Variants in SHANK1 observed in about 807,000 individuals in gnomAD.
The protein encoded by SHANK1 is SH3 and multiple ankyrin repeat domains 1, also known as SH3 and multiple ankyrin repeat domains protein 1.
Under a neutral mutation model 165.6 loss-of-function variants are expected in SHANK1, and 35 were observed. That is an observed-to-expected ratio of 0.21 (90% CI 0.16 to 0.28). The LOEUF (loss-of-function observed/expected upper bound fraction) is 0.28, where lower values mean the gene tolerates loss of function less well. Among genes scored for constraint, SHANK1 ranks in the 10% least tolerant of loss-of-function variants. SHANK1 has a pLI of 1.00. For missense variants in SHANK1, 2,681 were observed against 3,036.4 expected (o/e 0.88, Z 2.75); for synonymous variants, 1,428 against 1,384.8 (o/e 1.03, Z -0.69).
rs1168651645 is a variant in SHANK1, at chr19:50,719,541, G to A, written c.-179C>T. On this transcript the variant is annotated 5_prime_UTR_variant, in exon 1 of 24. Coordinates refer to ENST00000293441, the MANE Select transcript of SHANK1 (RefSeq NM_016148.5). ...CCGGAGGGCGAGCGGGCCCGGGGAG[G>A]GGGCGGGCGGGGACCGGGGGGGAGG... is the stretch of plus-strand genomic sequence containing the variant. 6.9e-6 allele frequency: 1 copy of A among 145,980 alleles called. No individual in the cohort carries two copies. The highest frequency in any genetic ancestry group is 1.5e-5 in the Non-Finnish European group (1 of 65,106). The allele number at this position is 145,980 out of a possible 1,614,324, so 9.0% of individuals were successfully genotyped here.
In SHANK1 at chr19:50,697,243, A is replaced by C; in HGVS notation, c.1938-121T>G. ...CCACACCGGTGCATGGGACACACACATTCCCACTGCACATGACTGCACAGA... is the reference window on the plus strand; with the variant it reads ...CCACACCGGTGCATGGGACACACACCTTCCCACTGCACATGACTGCACAGA... On this transcript the variant is annotated intron_variant, in intron 14 of 23. Transcript: ENST00000293441. The surrounding 1 kb of genome is among the most constrained non-coding windows in gnomAD (Gnocchi z 4.7). 1 of 1,393,884 alleles carries C rather than the reference A, an allele frequency of 7.2e-7. No individual in the cohort carries two copies. The highest frequency in any genetic ancestry group is 1.0e-6 in the Non-Finnish European group (1 of 986,486). 86.3% of individuals were successfully genotyped at this position (1,393,884 alleles called of 1,614,324 possible). A position where few individuals can be genotyped will look rare whatever the true frequency, so the allele number is the denominator to read the frequency against.
intron 21 of SHANK1, among the ~76,000 whole-genome samples, chr19:50,682,986 T>A (rs1986222983): frequency 6.6e-6 from 1 of 152,074 alleles, no homozygotes; most frequent in Non-Finnish European, 1.5e-5. Flanking sequence ...CCACCACATC[T>A]GCCCAACTAA....
intron 21 of SHANK1, 81 bp from the exon 22 acceptor site, chr19:50,672,195 A>G (rs1599844098): frequency 2.6e-6 from 3 of 1,135,920 alleles, no homozygotes; most frequent in East Asian, 5.1e-5. Flanking sequence ...TGGCTTCACT[A>G]TACGGCTGCC....
chr19:50,703,848 C>T lies in SHANK1; in HGVS notation c.1223-18G>A, dbSNP rs201048694. On this transcript the variant is annotated intron_variant, in intron 10 of 23. Coordinates refer to ENST00000293441, the MANE Select transcript of SHANK1 (RefSeq NM_016148.5). ...GAAGGGCACTGAGAGGGCACAGTGGCGGCGGGGGGCAGATGTTAGGGGAGA... is the reference window on the plus strand; with the variant it reads ...GAAGGGCACTGAGAGGGCACAGTGGTGGCGGGGGGCAGATGTTAGGGGAGA... The T allele has an allele frequency of 5.7e-5, 69 of 1,217,892 alleles. No homozygotes were observed. The African/African-American group carries it at 7.1e-4, about 12-fold the overall frequency. The allele number at this position is 1,217,892 out of a possible 1,614,324, so 75.4% of individuals were successfully genotyped here.
At chr19:50,715,365 G>A (rs1051545760) in intron 4 of SHANK1, among the ~76,000 whole-genome samples, 8 of 152,064 alleles carry the variant, frequency 5.3e-5, no homozygotes, top group African/African-American at 1.7e-4. Context: ...GGGGAGGCAG[G>A]GGAAGAGAAG....
chr19:50,687,895 G>T (rs890142287), intron 18 of SHANK1, 28 bp downstream of exon 18: 2 of 1,613,208 alleles, frequency 1.2e-6, no homozygotes, highest in South Asian at 2.2e-5. Flanking sequence ...TGGCAGTGGG[G>T]TGGCTGCGAG....
At position 50,717,406 on chromosome 19, in the gene SHANK1, C is replaced by CG. The variant is rs1025040457; in HGVS notation, c.-43-445dup. 3.3e-5 allele frequency among the ~76,000 whole-genome samples: 5 copies of CG among 152,078 alleles called. No individual in the cohort carries two copies. Among genetic ancestry groups the CG allele is most frequent in the Admixed American group, 1.3e-4 (2 of 15,262 alleles). ...CCAGCCTGGCCCCTCATCCCAGGGC[C>CG]GGGGGGTGGGGTTGGGGAGAAGCTG... On this transcript the variant is annotated intron_variant, in intron 1 of 23. Coordinates refer to ENST00000293441, the MANE Select transcript of SHANK1 (RefSeq NM_016148.5). The surrounding 1 kb of genome is among the most constrained non-coding windows in gnomAD (Gnocchi z 5.5).
At chr19:50,665,569 A>C (rs1985452974) in intron 23 of SHANK1, among the ~76,000 whole-genome samples, 1 of 8,936 alleles carries the variant, frequency 1.1e-4, no homozygotes, top group East Asian at 1.7e-3. Context: ...TCTGTCTCAA[A>C]AAAAAAAAAA....
At chr19:50,685,731 A>G (rs895485803) in intron 21 of SHANK1, among the ~76,000 whole-genome samples, 6 of 152,148 alleles carry the variant, frequency 3.9e-5, no homozygotes, top group Non-Finnish European at 7.3e-5. Flanking sequence ...CTCAAAATAA[A>G]TAAATAAATA....
At position 50,690,922 on chromosome 19, in the gene SHANK1, A is replaced by G. The variant is rs1986518882; in HGVS notation, c.1965-1643T>C. 6.6e-6 allele frequency among the ~76,000 whole-genome samples: 1 copy of G among 152,034 alleles called. No individual in the cohort carries two copies. Among genetic ancestry groups the G allele is most frequent in the African/African-American group, 2.4e-5 (1 of 41,372 alleles). ...CCCATGGCTCCCCTTGTAAAAATCC[A>G]TACATTTGCACCATGGCGACAGGGT... On this transcript the variant is annotated intron_variant, in intron 15 of 23. Coordinates refer to ENST00000293441, the MANE Select transcript of SHANK1 (RefSeq NM_016148.5). The surrounding 1 kb of genome is among the most constrained non-coding windows in gnomAD (Gnocchi z 4.9).
chr19:50,697,147 C>T lies in SHANK1; in HGVS notation c.1938-25G>A. On this transcript the variant is annotated intron_variant, in intron 14 of 23. Transcript: ENST00000293441. This position sits in a 1 kb window ranked among gnomAD's most constrained non-coding sequence, Gnocchi z 4.7. Reference sequence around the variant, plus strand: ...GCTTCCGAAGCAAGTCAGCCAGCAGCCAGGGAGGGGAAAGGTGTCAGTGCA... The same window carrying T: ...GCTTCCGAAGCAAGTCAGCCAGCAGTCAGGGAGGGGAAAGGTGTCAGTGCA... 1 of 1,613,764 alleles carries T rather than the reference C, an allele frequency of 6.2e-7. No individual in the cohort carries two copies. The highest frequency in any genetic ancestry group is 8.5e-7 in the Non-Finnish European group (1 of 1,179,938).
At chr19:50,711,806 C>T in intron 7 of SHANK1, 141 bp downstream of exon 7, 1 of 1,010,888 alleles carries the variant, frequency 9.9e-7, no homozygotes. Context: ...TTCACCCCCA[C>T]CATTTCCTCT....
chr19:50,668,999 C>T lies in SHANK1; in HGVS notation c.2961G>A (p.Leu987=). The change falls in exon 23 of 24, where the codon CTG becomes CTA. Residue 987 remains leucine, a synonymous_variant. Transcript: ENST00000293441. ...DTRVGSREKS[L]YHSGPLPPAH... Reference sequence around the variant, plus strand: ...CCGGGGGCAGGGGCCCACTGTGGTACAGGCTCTTCTCGCGGCTCCCCACGC... The same window carrying T: ...CCGGGGGCAGGGGCCCACTGTGGTATAGGCTCTTCTCGCGGCTCCCCACGC... The T allele has an allele frequency of 2.5e-6, 2 of 794,708 alleles. No homozygotes were observed. Among genetic ancestry groups the T allele is most frequent in the Non-Finnish European group, 3.8e-6 (2 of 521,694 alleles). The allele number at this position is 794,708 out of a possible 1,614,324, so 49.2% of individuals were successfully genotyped here.
rs752864324 is a variant in SHANK1, at chr19:50,686,217, C to T, written c.2577+20G>A. 1 of 1,495,704 alleles carries T rather than the reference C, an allele frequency of 6.7e-7. No individual in the cohort carries two copies. Among genetic ancestry groups the T allele is most frequent in the African/African-American group, 1.4e-5 (1 of 71,724 alleles). The allele number at this position is 1,495,704 out of a possible 1,614,324, so 92.7% of individuals were successfully genotyped here. A position where few individuals can be genotyped will look rare whatever the true frequency, so the allele number is the denominator to read the frequency against. On this transcript the variant is annotated intron_variant, in intron 21 of 23. Transcript: ENST00000293441. This position sits in a 1 kb window ranked among gnomAD's most constrained non-coding sequence, Gnocchi z 5.7. ...AACCGCCTCCCCCCTGGCAGTTCCTCCCCACACCAGGCCGCCTACCTCAGT... is the reference window on the plus strand; with the variant it reads ...AACCGCCTCCCCCCTGGCAGTTCCTTCCCACACCAGGCCGCCTACCTCAGT...
Position 50,666,624 on chromosome 19 carries a change from G to T in SHANK1, c.5336C>A (p.Pro1779His), listed in dbSNP as rs1352469464. The T allele has an allele frequency of 1.3e-6, 2 of 1,599,132 alleles. No homozygotes were observed. The highest frequency in any genetic ancestry group is 4.5e-5 in the East Asian group (2 of 44,422). The change falls in exon 23 of 24, where the codon CCT becomes CAT. Residue 1779 changes from proline (P) to histidine (H), a missense_variant. Pro to His is a moderately conservative substitution (Grantham distance 77). This residue lies in a region of SHANK1 where 1,713 missense variants were observed against 1,630.2 expected (regional missense o/e 1.05). Coordinates refer to ENST00000293441, the MANE Select transcript of SHANK1 (RefSeq NM_016148.5). The stretch of plus-strand genomic sequence containing the variant: ...GACGGTGGGGCTGGTGGGGGTAACA[G>T]GGTCTCGGAGTCCCCCGCTGGGGCC... ...RPGPSGGLRD[P>H]VTPTSPTVSV...
chr19:50,716,747 T>C lies in SHANK1; in HGVS notation c.173A>G (p.Gln58Arg). 1 of 1,609,464 alleles carries C rather than the reference T, an allele frequency of 6.2e-7. No homozygotes were observed. Among genetic ancestry groups the C allele is most frequent in the Non-Finnish European group, 8.5e-7 (1 of 1,178,014 alleles). ...PGSLASVRGL[Q>R]GRSMSVPDDA... ...GTCTGGGACGGACATTGAGCGGCCC[T>C]GGAGGCCTCTAACAGAGGCCAGGCT... The change falls in exon 2 of 24, where the codon CAG (glutamine) becomes CGG (arginine). Residue 58 changes from glutamine (Q) to arginine (R), a missense_variant. This residue lies in a region of SHANK1 where 118 missense variants were observed against 106.9 expected (regional missense o/e 1.10). Coordinates refer to ENST00000293441, the MANE Select transcript of SHANK1 (RefSeq NM_016148.5). The surrounding 1 kb of genome is among the most constrained non-coding windows in gnomAD (Gnocchi z 8.4).
At chr19:50,669,386 A>G in intron 22 of SHANK1, 101 bp from the exon 23 acceptor site, 1 of 778,532 alleles carries the variant, frequency 1.3e-6, no homozygotes. Flanking sequence ...CAAGAATGGC[A>G]CCCCGTATAT....
In SHANK1 at chr19:50,702,665, G is replaced by A. The variant is rs985449517; in HGVS notation, c.1554-5C>T. ...TCCCGGGGTGTCCCGCTGGAGCTGC[G>A]TACACAGAGGGCATGAGAGGAGGGG... On this transcript the variant is annotated splice_polypyrimidine_tract_variant and splice_region_variant and intron_variant, in intron 11 of 23. Coordinates refer to ENST00000293441, the MANE Select transcript of SHANK1 (RefSeq NM_016148.5). This position sits in a 1 kb window ranked among gnomAD's most constrained non-coding sequence, Gnocchi z 5.3. 50 of 1,551,468 alleles carry A rather than the reference G, an allele frequency of 3.2e-5. No homozygotes were observed. Among genetic ancestry groups the A allele is most frequent in the African/African-American group, 1.6e-4 (12 of 73,318 alleles).
chr19:50,668,954 G>GTGT lies in SHANK1; in HGVS notation c.3005_3006insACA (p.Pro1001_His1002insGln). The GTGT allele has an allele frequency of 1.7e-6, 1 of 587,688 alleles. No individual in the cohort carries two copies. The allele number at this position is 587,688 out of a possible 1,614,324, so 36.4% of individuals were successfully genotyped here. On this transcript the variant is annotated inframe_insertion, in exon 23 of 24. Transcript: ENST00000293441. ...GGGGCGGGGCGTGGTGGTGGTGGTG[G>GTGT]TGGGGCGGGTGGTGGTGGGCCGGGG...
Sources: allele counts gnomAD v4.1 joint callset (sites outside exome capture counted in the v4.1 genomes callset), GRCh38; gene constraint gnomAD v4.1.1; regional missense constraint gnomAD v4.1.1; non-coding constraint Gnocchi (gnomAD v3.1); transcripts MANE v1.5; gene names NCBI Gene and HGNC (gene_info 2026-07-23, HGNC 2026-07-21).